The following STK3 variants were observed in gnomAD, a reference collection of about 807,000 sequenced individuals.
STK3 encodes the protein serine/threonine-protein kinase 3.
STK3 carries 41 observed loss-of-function variants against 58.0 expected under a neutral mutation model. The ratio of observed to expected loss-of-function variants is 0.71; its 90% confidence interval spans 0.55 to 0.92. The LOEUF is 0.92. STK3 is among the 40% of genes least tolerant of loss of function. STK3 has a pLI of 0.00. For synonymous variants in STK3, 170 were observed against 191.0 expected (o/e 0.89, Z 0.91); for missense variants, 479 against 602.7 (o/e 0.79, Z 2.15).
intron 3 of STK3, among the ~76,000 whole-genome samples, chr8:98,839,201 T>C (rs1000624370): frequency 6.6e-6 from 1 of 152,076 alleles, no homozygotes; most frequent in Middle Eastern, 3.4e-3. Flanking sequence ...TGTGCATCAC[T>C]AGGCCTGACG....
chr8:98,403,832 C>T (rs1055417649), intron 3 of STK3, among the ~76,000 whole-genome samples: 15 of 152,240 alleles, frequency 9.9e-5, no homozygotes, highest in African/African-American at 3.1e-4. Flanking sequence ...TGGTAAGTGC[C>T]AAGGGGATAT....
intron 1 of STK3, among the ~76,000 whole-genome samples, chr8:98,383,348 C>T (rs1240755358): frequency 6.6e-6 from 1 of 151,984 alleles, no homozygotes; most frequent in African/African-American, 2.4e-5. Flanking sequence ...ATCCTCAAGC[C>T]AGGCATTTCA....
chr8:98,668,221 A>G (rs1019688901), intron 6 of STK3, among the ~76,000 whole-genome samples: 3 of 152,350 alleles, frequency 2.0e-5, no homozygotes, highest in South Asian at 4.1e-4. Context: ...ATTCTTCAGT[A>G]TTATTAATTT....
chr8:98,631,372 A>T (rs894290289), intron 6 of STK3, among the ~76,000 whole-genome samples: 1 of 151,894 alleles, frequency 6.6e-6, no homozygotes, highest in Non-Finnish European at 1.5e-5. Context: ...CTCATCTCCT[A>T]CTTCTTTCAC....
chr8:98,503,759 C>A (rs1030518070), intron 10 of STK3, among the ~76,000 whole-genome samples: 2 of 152,182 alleles, frequency 1.3e-5, no homozygotes, highest in Non-Finnish European at 2.9e-5. Context: ...GCACTGTGGT[C>A]TGAGAGACAG....
chr8:98,878,050 A>G (rs1290685007), intron 3 of STK3, among the ~76,000 whole-genome samples: 1 of 150,796 alleles, frequency 6.6e-6, no homozygotes, highest in African/African-American at 2.5e-5. Flanking sequence ...CAACAACAAC[A>G]AAAGAAAATC....
At chr8:98,919,070 C>T (rs1839450975) in intron 1 of STK3, among the ~76,000 whole-genome samples, 1 of 152,038 alleles carries the variant, frequency 6.6e-6, no homozygotes, top group Admixed American at 6.6e-5. Context: ...GCCAAGATTT[C>T]GCAAGCAAGA....
At chr8:98,532,012 T>C (rs1261028708) in intron 9 of STK3, among the ~76,000 whole-genome samples, 2 of 152,222 alleles carry the variant, frequency 1.3e-5, no homozygotes, top group African/African-American at 4.8e-5. Context: ...TTTCTCCATA[T>C]CAGAAAGAGA....
intron 10 of STK3, among the ~76,000 whole-genome samples, chr8:98,487,940 C>T (rs1257868514): frequency 6.6e-6 from 1 of 152,200 alleles, no homozygotes; most frequent in Non-Finnish European, 1.5e-5. Flanking sequence ...TGTTTATGTC[C>T]TTCATGCCTT....
intron 1 of STK3, among the ~76,000 whole-genome samples, chr8:98,784,422 C>T (rs181496886): frequency 1.1e-3 from 167 of 152,342 alleles, no homozygotes; most frequent in African/African-American, 3.6e-3. Context: ...CCAGATCCAG[C>T]TTAGCAACCT....
chr8:98,867,252 CA>C (rs1264431562), intron 3 of STK3, among the ~76,000 whole-genome samples: 1 of 151,972 alleles, frequency 6.6e-6, no homozygotes, highest in Non-Finnish European at 1.5e-5. Flanking sequence ...CCTGCCTCTA[CA>C]AAAAATACAA....
At chr8:98,349,652 A>G in the STK3 span, among the ~76,000 whole-genome samples, 19 of 152,348 alleles carry the variant, frequency 1.2e-4, no homozygotes, top group Admixed American at 7.2e-4. Flanking sequence ...AGGCATTTCC[A>G]TACATGCTCT....
Position 98,800,715 on chromosome 8 carries a change from A to C in STK3, c.26+24800T>G, listed in dbSNP as rs925619502. Among the ~76,000 whole-genome samples the C allele has an allele frequency of 6.6e-6, 1 of 152,182 alleles. No homozygotes were observed. The highest frequency in any genetic ancestry group is 6.5e-5 in the Admixed American group (1 of 15,288). On this transcript the variant is annotated intron_variant, in intron 1 of 10. Coordinates refer to ENST00000419617, the MANE Select transcript of STK3 (RefSeq NM_006281.4). The surrounding 1 kb of genome is among the most constrained non-coding windows in gnomAD (Gnocchi z 4.8). Reference sequence around the variant, plus strand: ...CTGATGCCGCCAGCCCTGGGCAGTGAAGGGCTTAGCACCCGGGCCAGCAGC... The same window carrying C: ...CTGATGCCGCCAGCCCTGGGCAGTGCAGGGCTTAGCACCCGGGCCAGCAGC...
At chr8:98,714,631 G>A (rs1259080273) in intron 4 of STK3, among the ~76,000 whole-genome samples, 1 of 152,148 alleles carries the variant, frequency 6.6e-6, no homozygotes, top group Admixed American at 6.5e-5. Flanking sequence ...TGAAATAAAA[G>A]AGGATACAAA....
At chr8:98,679,024 C>G (rs1823429652) in intron 6 of STK3, among the ~76,000 whole-genome samples, 1 of 152,190 alleles carries the variant, frequency 6.6e-6, no homozygotes, top group Non-Finnish European at 1.5e-5. Context: ...CCTAATCCAT[C>G]AGCAAATCCT....
intron 3 of STK3, 67 bp downstream of exon 3, chr8:98,767,176 T>C: frequency 7.0e-7 from 1 of 1,437,148 alleles, no homozygotes; most frequent in Non-Finnish European, 9.2e-7. Context: ...AAGAATAAAT[T>C]TTGTTATATT....
At chr8:98,738,904 C>T (rs1040383274) in intron 4 of STK3, among the ~76,000 whole-genome samples, 2 of 152,346 alleles carry the variant, frequency 1.3e-5, no homozygotes, top group South Asian at 4.1e-4. Context: ...TGCGCTTTTC[C>T]GACGCGCTTA....
intron 1 of STK3, among the ~76,000 whole-genome samples, chr8:98,907,208 G>A (rs1258645259): frequency 6.6e-6 from 1 of 151,496 alleles, no homozygotes; most frequent in Non-Finnish European, 1.5e-5. Flanking sequence ...AACACAAATA[G>A]AAGTATATAG....
rs1817264071 is a variant in STK3 at position 98,612,296 on chromosome 8, C to T, written c.685-16127G>A. Among the ~76,000 whole-genome samples the T allele has an allele frequency of 2.7e-5, 4 of 150,386 alleles. No individual in the cohort carries two copies. In the South Asian group the frequency reaches 8.4e-4, roughly 31 times the overall value. ...TCCAGACTGGGCACAGTGGCTCATG[C>T]CTATAATCCCAGCCACTTGGGAAGC... is the stretch of plus-strand genomic sequence containing the variant. On this transcript the variant is annotated intron_variant, in intron 6 of 10. Coordinates refer to ENST00000419617, the MANE Select transcript of STK3 (RefSeq NM_006281.4).
Sources: allele counts gnomAD v4.1 joint callset (sites outside exome capture counted in the v4.1 genomes callset), GRCh38; gene constraint gnomAD v4.1.1; non-coding constraint Gnocchi (gnomAD v3.1); transcripts MANE v1.5; gene names NCBI Gene and HGNC (gene_info 2026-07-23, HGNC 2026-07-21).